The following TMEM44 variants were observed in gnomAD, a reference collection of about 807,000 sequenced individuals.
TMEM44 encodes the protein transmembrane protein 44.
TMEM44 carries 43 observed loss-of-function variants against 47.8 expected under a neutral mutation model. The ratio of observed to expected loss-of-function variants is 0.90; its 90% CI spans 0.70 to 1.16. TMEM44 has a LOEUF of 1.16. Ranked by LOEUF, TMEM44 falls within the 50% of genes most tolerant of loss-of-function variation. TMEM44 has a pLI of 0.00. For synonymous variants in TMEM44, 277 were observed against 238.8 expected, an observed-to-expected ratio of 1.16 and a Z score of -1.48; for missense variants, 568 against 555.2, an observed-to-expected ratio of 1.02 and a Z score of -0.23.
chr3:194,609,662 C>G, intron 8 of TMEM44, among the ~76,000 whole-genome samples: 1 of 151,960 alleles, frequency 6.6e-6, no homozygotes, highest in Non-Finnish European at 1.5e-5. Flanking sequence ...CAGGGAGTCA[C>G]CCGGAGCCCT....
intron 5 of TMEM44, among the ~76,000 whole-genome samples, chr3:194,621,214 C>G (rs1372835616): frequency 1.3e-5 from 2 of 152,012 alleles, no homozygotes; most frequent in African/African-American, 4.8e-5. Flanking sequence ...ACGAGAAACC[C>G]AGGGTTACCA....
intron 9 of TMEM44, among the ~76,000 whole-genome samples, chr3:194,596,121 G>A (rs1028482109): frequency 2.6e-5 from 4 of 152,196 alleles, no homozygotes; most frequent in Admixed American, 6.5e-5. Flanking sequence ...AGGCGTTCTG[G>A]AGCTCAGGCT....
intron 1 of TMEM44, 106 bp downstream of exon 1, chr3:194,632,973 C>T (rs1433937243): frequency 2.1e-6 from 3 of 1,448,768 alleles, no homozygotes; most frequent in East Asian, 5.4e-5. Flanking sequence ...TGAGCCATCT[C>T]CTTCATCCCC....
Position 194,611,024 on chromosome 3 carries a change from G to C in TMEM44, c.913-4C>G. The stretch of plus-strand genomic sequence containing the variant: ...TGAGAGGCACCCAATCCAAATTCTT[G>C]CAAGTAGAGGCAGGGAGACAGAAAG... On this transcript the variant is annotated splice_region_variant and splice_polypyrimidine_tract_variant and intron_variant, in intron 7 of 9. Transcript: ENST00000347147. The surrounding 1 kb of genome is among the most constrained non-coding windows in gnomAD (Gnocchi z 4.2). 4 of 1,612,166 alleles carry C rather than the reference G, an allele frequency of 2.5e-6. No homozygotes were observed. The highest frequency in any genetic ancestry group is 1.7e-4 in the Middle Eastern group (1 of 6,058).
chr3:194,605,225 A>G (rs1187773563), intron 8 of TMEM44, among the ~76,000 whole-genome samples: 1 of 151,388 alleles, frequency 6.6e-6, no homozygotes, highest in African/African-American at 2.4e-5. Flanking sequence ...GCTTCCCCCC[A>G]TGGGCTCATG....
intron 2 of TMEM44, among the ~76,000 whole-genome samples, chr3:194,626,829 G>A (rs980800182): frequency 2.7e-5 from 4 of 150,898 alleles, no homozygotes; most frequent in South Asian, 4.2e-4. Flanking sequence ...GACTTCAGGC[G>A]CCTGCCACCA....
intron 5 of TMEM44, chr3:194,617,815 T>G (rs1413747074): frequency 1.4e-6 from 1 of 697,338 alleles, no homozygotes; most frequent in South Asian, 1.5e-5. Flanking sequence ...GGATATCTCA[T>G]GAATGGTCTG....
chr3:194,629,581 C>T (rs1313573638), intron 1 of TMEM44, among the ~76,000 whole-genome samples: 3 of 151,358 alleles, frequency 2.0e-5, no homozygotes, highest in Non-Finnish European at 2.9e-5. Flanking sequence ...GTCGTACATG[C>T]CTCCTGAAGG....
intron 5 of TMEM44, 30 bp from the exon 6 acceptor site, chr3:194,617,299 G>GGGT: frequency 4.8e-6 from 3 of 619,738 alleles, no homozygotes; most frequent in Non-Finnish European, 8.1e-6. Flanking sequence ...GGCTGGGCGG[G>GGGT]AGAAGCAGCA....
At chr3:194,616,808 T>C (rs1428553592) in intron 6 of TMEM44, 3 of 461,298 alleles carry the variant, frequency 6.5e-6, no homozygotes, top group Non-Finnish European at 1.2e-5. Flanking sequence ...GGCAGGAGAA[T>C]TGCTTGAAAT....
chr3:194,588,558 TCA>T lies in TMEM44; in HGVS notation c.1256_1257del (p.Val419GlufsTer7), dbSNP rs766105548. 5.1e-5 allele frequency: 83 copies of T among 1,614,090 alleles called. No individual in the cohort carries two copies. The Admixed American group carries it at 1.2e-3, about 24-fold the overall frequency. ...LLGSQVHQDS[V>X]RTAHLSDDD ...TCATCATCACTCAGGTGTGCTGTCCTCACAGAGTCCTGGTGCACCTGGGATCC... is the reference window on the plus strand; with the variant it reads ...TCATCATCACTCAGGTGTGCTGTCCTCAGAGTCCTGGTGCACCTGGGATCC... On this transcript the variant is annotated frameshift_variant, in exon 10 of 10. Transcript: ENST00000347147. LOFTEE classifies it high-confidence loss of function.
In TMEM44 at chr3:194,594,165, A is replaced by C. The variant is rs146424764; in HGVS notation, c.1177-5526T>G. On this transcript the variant is annotated intron_variant, in intron 9 of 9. Transcript: ENST00000347147. ...TATCTATCTATCTATCTATCTATCT[A>C]TATCTATCTATCTGTGTATGATGGA... is the stretch of plus-strand genomic sequence containing the variant. 1.4e-3 allele frequency among the ~76,000 whole-genome samples: 109 copies of C among 76,488 alleles called. 1 individual carries two copies. Among genetic ancestry groups the C allele is most frequent in the African/African-American group, 3.2e-3 (93 of 28,788 alleles). 50.2% of individuals were successfully genotyped at this position (76,488 alleles called of 152,430 possible). A position where few individuals can be genotyped will look rare whatever the true frequency, so the allele number is the denominator to read the frequency against.
At chr3:194,592,617 T>C (rs1000067428) in intron 9 of TMEM44, among the ~76,000 whole-genome samples, 24 of 152,100 alleles carry the variant, frequency 1.6e-4, no homozygotes, top group African/African-American at 5.3e-4. Flanking sequence ...CCTCTCATTT[T>C]GACTTTTTTT....
chr3:194,620,269 T>C (rs1348829701), intron 5 of TMEM44, among the ~76,000 whole-genome samples: 1 of 129,328 alleles, frequency 7.7e-6, no homozygotes, highest in Non-Finnish European at 1.5e-5. Flanking sequence ...CCAGCCTGGC[T>C]GACAAGTGAA....
At position 194,617,283 on chromosome 3, in the gene TMEM44, G is replaced by T; in HGVS notation, c.613-14C>A. 6.7e-7 allele frequency: 1 copy of T among 1,501,732 alleles called. No homozygotes were observed. The highest frequency in any genetic ancestry group is 1.3e-5 in the South Asian group (1 of 78,216). 93.0% of individuals were successfully genotyped at this position (1,501,732 alleles called of 1,614,324 possible). On this transcript the variant is annotated splice_polypyrimidine_tract_variant and intron_variant, in intron 5 of 9. Coordinates refer to ENST00000347147, the MANE Select transcript of TMEM44 (RefSeq NM_001011655.3). The stretch of plus-strand genomic sequence containing the variant: ...CTTCCCCCGGCACTGGGCAGAGAGA[G>T]GGAGGGGCTGGGCGGGAGAAGCAGC...
intron 9 of TMEM44, among the ~76,000 whole-genome samples, chr3:194,590,541 T>C (rs1165512893): frequency 6.6e-6 from 1 of 152,126 alleles, no homozygotes; most frequent in African/African-American, 2.4e-5. Context: ...GTGAAAAAAG[T>C]AGGGCCCTGT....
At chr3:194,624,569 C>A (rs141641353) in intron 3 of TMEM44, among the ~76,000 whole-genome samples, 2 of 152,110 alleles carry the variant, frequency 1.3e-5, no homozygotes, top group Non-Finnish European at 2.9e-5. Flanking sequence ...CAGGCATGCA[C>A]CATCATGCCC....
intron 5 of TMEM44, 90 bp from the exon 6 acceptor site, chr3:194,617,359 C>G (rs1468275244): frequency 1.5e-6 from 2 of 1,375,572 alleles, no homozygotes; most frequent in Non-Finnish European, 1.9e-6. Context: ...CGGGGCAAGC[C>G]CTCTGCCTGC....
At chr3:194,598,730 C>T (rs58798851) in intron 9 of TMEM44, among the ~76,000 whole-genome samples, 3,323 of 152,332 alleles carry the variant, frequency 0.022, 130 homozygotes, top group African/African-American at 0.075. Context: ...TCCACTTCCC[C>T]TAGCGTACCG....
Sources: allele counts gnomAD v4.1 joint callset (sites outside exome capture counted in the v4.1 genomes callset), GRCh38; gene constraint gnomAD v4.1.1; non-coding constraint Gnocchi (gnomAD v3.1); transcripts MANE v1.5; gene names NCBI Gene and HGNC (gene_info 2026-07-23, HGNC 2026-07-21).